NR4A1: variants seen among roughly 807,000 people sequenced by gnomAD.
NR4A1 encodes the protein nuclear receptor subfamily 4immunitygroup A member 1.
Under a neutral mutation model 47.5 loss-of-function variants are expected in NR4A1, and 24 were observed. The ratio of observed to expected loss-of-function variants is 0.50; its 90% CI spans 0.37 to 0.71. The LOEUF is 0.71. NR4A1 is among the 30% of genes least tolerant of loss of function. The probability of loss-of-function intolerance (pLI) is 0.00; values close to 1 mark genes in which losing one functional copy is unlikely to be tolerated. For synonymous variants in NR4A1, 353 were observed against 345.7 expected (o/e 1.02, Z -0.24); for missense variants, 669 against 788.6 (o/e 0.85, Z 1.82).
Position 52,057,610 on chromosome 12 carries a change from G to T in NR4A1, c.1540+80G>T. On this transcript the variant is annotated intron_variant, in intron 6 of 6. Transcript: ENST00000394825. ...GGTTCTCAGGAGGGCACTGTCCCAG[G>T]GAGTTTGGTGGGCCGGGATCTAGCA... 4 of 1,527,264 alleles carry T rather than the reference G, an allele frequency of 2.6e-6. No homozygotes were observed. In the Admixed American group the frequency reaches 5.3e-5, roughly 20 times the overall value. The allele number at this position is 1,527,264 out of a possible 1,614,324, so 94.6% of individuals were successfully genotyped here.
chr12:52,026,840 T>C lies in NR4A1; in HGVS notation c.-84+3901T>C, dbSNP rs187412360. Among the ~76,000 whole-genome samples the C allele has an allele frequency of 3.8e-4, 58 of 152,126 alleles. No individual in the cohort carries two copies. The Middle Eastern group carries it at 0.014, about 36-fold the overall frequency. The stretch of plus-strand genomic sequence containing the variant: ...CAGGAGCTAGGAGGGGCTTCAGGAA[T>C]GTGCACAGGTTCTCTCGGAGGGCAG... On this transcript the variant is annotated intron_variant, in intron 1 of 7. Transcript: ENST00000360284.
rs1939341236 is a variant in NR4A1 at position 52,057,549 on chromosome 12, A to G, written c.1540+19A>G. The G allele has an allele frequency of 6.2e-7, 1 of 1,612,788 alleles. No homozygotes were observed. Among genetic ancestry groups the G allele is most frequent in the Non-Finnish European group, 8.5e-7 (1 of 1,179,660 alleles). On this transcript the variant is annotated intron_variant, in intron 6 of 6. Coordinates refer to ENST00000394825, the MANE Select transcript of NR4A1 (RefSeq NM_173157.3). ...ATCACCGGTGAGTGACCAGCACCAC[A>G]CCAGGTCCAAGGGAATGGGCGTCAG...
intron 1 of NR4A1, among the ~76,000 whole-genome samples, chr12:52,036,458 C>G (rs1371847778): frequency 1.3e-5 from 2 of 152,218 alleles, no homozygotes; most frequent in African/African-American, 4.8e-5. Flanking sequence ...TGTTATCATC[C>G]TGACAGCCAG....
chr12:52,055,994 C>G (rs755856921), intron 2 of NR4A1, 36 bp from the exon 3 acceptor site: 56 of 1,243,512 alleles, frequency 4.5e-5, no homozygotes, highest in Non-Finnish European at 5.8e-5. Flanking sequence ...CCACCCCACA[C>G]TCTGACAGCT....
intron 1 of NR4A1, among the ~76,000 whole-genome samples, chr12:52,025,505 T>C (rs2120900117): frequency 6.6e-6 from 1 of 152,304 alleles, no homozygotes; most frequent in South Asian, 2.1e-4. Context: ...CTTCGCTCAG[T>C]TCCCTGCTAC....
intron 2 of NR4A1, among the ~76,000 whole-genome samples, chr12:52,044,526 C>G (rs1179619427): frequency 6.6e-6 from 1 of 152,198 alleles, no homozygotes; most frequent in Non-Finnish European, 1.5e-5. Context: ...GTGGGAGGCT[C>G]CTGTGCTCTC....
chr12:52,039,150 A>G (rs1055579321), intron 1 of NR4A1, among the ~76,000 whole-genome samples: 3 of 152,214 alleles, frequency 2.0e-5, no homozygotes, highest in Non-Finnish European at 4.4e-5. Flanking sequence ...TCCCTTCCTC[A>G]TAACATTGTG....
rs1446166274 is a variant in NR4A1 at position 52,041,898 on chromosome 12, GT to G, written c.8del (p.Leu3TrpfsTer37). 1 of 1,521,742 alleles carries G rather than the reference GT, an allele frequency of 6.6e-7. No homozygotes were observed. The allele number at this position is 1,521,742 out of a possible 1,614,324, so 94.3% of individuals were successfully genotyped here. A position where few individuals can be genotyped will look rare whatever the true frequency, so the allele number is the denominator to read the frequency against. On this transcript the variant is annotated frameshift_variant, in exon 2 of 8. Transcript: ENST00000360284. LOFTEE classifies it high-confidence loss of function. Reference sequence around the variant, plus strand: ...CCCTGAAGGCAGACGGGATAATGTGGTTGGCCAAGGCCTGTTGGTCCATCCA... The same window carrying G: ...CCCTGAAGGCAGACGGGATAATGTGGTGGCCAAGGCCTGTTGGTCCATCCA...
At position 52,054,453 on chromosome 12, in the gene NR4A1, C is replaced by G; in HGVS notation, c.125C>G (p.Ala42Gly). The G allele has an allele frequency of 6.2e-7, 1 of 1,613,744 alleles. No homozygotes were observed. Among genetic ancestry groups the G allele is most frequent in the Non-Finnish European group, 8.5e-7 (1 of 1,179,992 alleles). Residue 42 changes from alanine (A) to glycine (G), a missense_variant, in exon 2 of 7, where the codon GCA becomes GGA. Transcript: ENST00000394825. ...KPTMDLASPE[A>G]APAAPTALPS... ...ACCATGGACCTGGCCAGCCCCGAGG[C>G]AGCCCCCGCTGCCCCCACTGCCCTG...
In NR4A1 at chr12:52,054,394, A is replaced by G. The variant is rs1744043607; in HGVS notation, c.66A>G (p.Ala22=). ...APSPGPRDHL[A]SDPLTPEFIK... ...GTCCGGGACCCCGTGACCACCTGGC[A>G]AGCGACCCCCTGACCCCTGAGTTCA... The change falls in exon 2 of 7, where the codon GCA becomes GCG. Residue 22 remains alanine (A), a synonymous_variant. Transcript: ENST00000394825. The G allele has an allele frequency of 6.2e-7, 1 of 1,613,272 alleles. No homozygotes were observed. The highest frequency in any genetic ancestry group is 1.3e-5 in the African/African-American group (1 of 74,812).
chr12:52,049,994 C>T (rs142937986), upstream of NR4A1, among the ~76,000 whole-genome samples: 1 of 152,130 alleles, frequency 6.6e-6, no homozygotes, highest in East Asian at 1.9e-4. Flanking sequence ...TGGGTGGGTG[C>T]AGGCTCAATG....
At chr12:52,041,886 C>A in exon 2 of NR4A1, 1 of 1,530,052 alleles carries the variant, frequency 6.5e-7, no homozygotes, top group Non-Finnish European at 8.8e-7. Flanking sequence ...TGAAGGCAGA[C>A]GGGATAATGT....
At chr12:52,046,574 A>G (rs1315029959), upstream of NR4A1, among the ~76,000 whole-genome samples, 1 of 152,242 alleles carries the variant, frequency 6.6e-6, no homozygotes, top group African/African-American at 2.4e-5. Context: ...ATAATGAGAA[A>G]CAGCCACTGT....
At chr12:52,049,833 G>A (rs573827735), upstream of NR4A1, among the ~76,000 whole-genome samples, 1 of 152,256 alleles carries the variant, frequency 6.6e-6, no homozygotes, top group South Asian at 2.1e-4. Context: ...TGAAATTTGA[G>A]GTGCTTGTGG....
chr12:52,037,319 T>C (rs985530518), intron 1 of NR4A1: 3 of 973,204 alleles, frequency 3.1e-6, no homozygotes, highest in East Asian at 2.3e-4. Context: ...GGGGGTCCCC[T>C]CGCGGCGCCC....
intron 1 of NR4A1, among the ~76,000 whole-genome samples, chr12:52,035,055 G>A (rs1938207012): frequency 6.6e-6 from 1 of 152,222 alleles, no homozygotes; most frequent in Admixed American, 6.5e-5. Context: ...AAGAGGTAGA[G>A]CCTCTTGTGG....
chr12:52,023,595 A>T (rs1179760858), intron 1 of NR4A1, among the ~76,000 whole-genome samples: 1 of 136,614 alleles, frequency 7.3e-6, no homozygotes, highest in Non-Finnish European at 1.6e-5. Context: ...TCCCAGCCGC[A>T]GACACGGGCG....
At chr12:52,032,443 G>T (rs1462234075) in intron 1 of NR4A1, among the ~76,000 whole-genome samples, 1 of 152,190 alleles carries the variant, frequency 6.6e-6, no homozygotes, top group African/African-American at 2.4e-5. Context: ...CCATAATCAT[G>T]GGAGCTAATG....
intron 1 of NR4A1, among the ~76,000 whole-genome samples, chr12:52,029,875 G>C (rs1353472552): frequency 6.6e-6 from 1 of 152,220 alleles, no homozygotes; most frequent in African/African-American, 2.4e-5. Flanking sequence ...CCCCTGGTGA[G>C]AGCAGGAGCA....
Sources: allele counts gnomAD v4.1 joint callset (sites outside exome capture counted in the v4.1 genomes callset), GRCh38; gene constraint gnomAD v4.1.1; transcripts MANE v1.5; gene names NCBI Gene and HGNC (gene_info 2026-07-23, HGNC 2026-07-21).